MED21: variants seen among roughly 807,000 people sequenced by gnomAD.
MED21 encodes mediator complex subunit 21.
Under a neutral mutation model 18.2 loss-of-function variants are expected in MED21, and 9 were observed. The observed-to-expected ratio is 0.49, with a 90% CI of 0.30 to 0.86. The LOEUF (loss-of-function observed/expected upper bound fraction) is 0.86. Among genes scored for constraint, MED21 ranks in the 40% least tolerant of loss-of-function variants. The pLI is 0.07. For synonymous variants in MED21, 73 were observed against 60.5 expected (o/e 1.21, Z -0.96); for missense variants, 150 against 170.9 (o/e 0.88, Z 0.68).
At chr12:27,037,472 A>G (rs1207204402) in intron 2 of MED21, 1 of 152,014 alleles carries the variant, frequency 6.6e-6, no homozygotes, top group Non-Finnish European at 1.5e-5. Context: ...AACTTCCAAC[A>G]CTATGTTGAA....
intron 1 of MED21, 36 bp downstream of exon 1, chr12:27,022,657 C>G (rs868360599): frequency 1.2e-6 from 2 of 1,610,712 alleles, no homozygotes; most frequent in East Asian, 4.5e-5. Context: ...CTGTCTTTCT[C>G]TTTCTTGAGG....
chr12:27,033,934 GAGAA>G (rs755202230), downstream of MED21, among the ~76,000 whole-genome samples: 6 of 152,000 alleles, frequency 3.9e-5, no homozygotes, highest in Admixed American at 1.3e-4. Context: ...CTAACTGAAA[GAGAA>G]AGAAAGAAAT....
intron 2 of MED21, chr12:27,038,163 G>A (rs1432348085): frequency 6.6e-6 from 1 of 151,954 alleles, no homozygotes; most frequent in Non-Finnish European, 1.5e-5. Flanking sequence ...AAAACTCTCA[G>A]TACTTAAAGA....
At chr12:27,035,403 CTTTTT>C, downstream of MED21, among the ~76,000 whole-genome samples, 1 of 137,486 alleles carries the variant, frequency 7.3e-6, no homozygotes, top group African/African-American at 2.8e-5. Context: ...AACTAAATCT[CTTTTT>C]TTTTTTTTGG....
downstream of MED21, among the ~76,000 whole-genome samples, chr12:27,034,551 A>G (rs1260024231): frequency 6.6e-6 from 1 of 152,176 alleles, no homozygotes; most frequent in Admixed American, 6.5e-5. Flanking sequence ...GGCTCAAGCT[A>G]TCCTCCCACC....
At position 27,028,935 on chromosome 12, in the gene MED21, T is replaced by C; in HGVS notation, c.*474T>C. 7 of 985,654 alleles carry C rather than the reference T, an allele frequency of 7.1e-6. No homozygotes were observed. Among genetic ancestry groups the C allele is most frequent in the Non-Finnish European group, 8.4e-6 (7 of 830,102 alleles). 61.1% of individuals were successfully genotyped at this position (985,654 alleles called of 1,614,324 possible). On this transcript the variant is annotated 3_prime_UTR_variant, in exon 4 of 4. Coordinates refer to ENST00000282892, the MANE Select transcript of MED21 (RefSeq NM_004264.5). ...GCTTTGAGCAAGAAAGTTTTGGAAA[T>C]TGTGTTGCTTTTAAGAAATAGAGTT...
At position 27,030,131 on chromosome 12, in the gene MED21, T is replaced by G. The variant is rs998155001; in HGVS notation, c.*1670T>G. Reference sequence around the variant, plus strand: ...CTGTAGAGGATATACAGTTTTTTTTTGTTGTTCTTGTTTCTGTTTTTTTAA... The same window carrying G: ...CTGTAGAGGATATACAGTTTTTTTTGGTTGTTCTTGTTTCTGTTTTTTTAA... On this transcript the variant is annotated 3_prime_UTR_variant, in exon 4 of 4. Transcript: ENST00000282892. 8 of 643,088 alleles carry G rather than the reference T, an allele frequency of 1.2e-5. No individual in the cohort carries two copies. In the Admixed American group the frequency reaches 1.9e-4, roughly 15 times the overall value. 39.8% of individuals were successfully genotyped at this position (643,088 alleles called of 1,614,324 possible). A position where few individuals can be genotyped will look rare whatever the true frequency, so the allele number is the denominator to read the frequency against.
In MED21 at chr12:27,027,451, A is replaced by G; in HGVS notation, c.258+4A>G. 6.2e-7 allele frequency: 1 copy of G among 1,603,188 alleles called. No homozygotes were observed. Among genetic ancestry groups the G allele is most frequent in the Non-Finnish European group, 8.5e-7 (1 of 1,171,348 alleles). On this transcript the variant is annotated splice_donor_region_variant and intron_variant, in intron 3 of 3. Coordinates refer to ENST00000282892, the MANE Select transcript of MED21 (RefSeq NM_004264.5). ...AGAATCTACAGCTGCTTTACAGGTA[A>G]GCCTCTATTCCTTTGAGAATTTTAC...
downstream of MED21, among the ~76,000 whole-genome samples, chr12:27,034,298 T>A (rs1342280634): frequency 6.6e-6 from 1 of 151,480 alleles, no homozygotes; most frequent in Non-Finnish European, 1.5e-5. Flanking sequence ...GCGCCTGTAA[T>A]CCAATCCCAG....
chr12:27,036,760 G>A (rs1452822367), intron 2 of MED21, among the ~76,000 whole-genome samples: 31 of 152,204 alleles, frequency 2.0e-4, no homozygotes, highest in South Asian at 1.5e-3. Flanking sequence ...GATATGTGGC[G>A]TTATTTCTGA....
rs930893118 is a variant in MED21, at chr12:27,030,033, G to A, written c.*1572G>A. 8 of 438,958 alleles carry A rather than the reference G, an allele frequency of 1.8e-5. No individual in the cohort carries two copies. Among genetic ancestry groups the A allele is most frequent in the Admixed American group, 1.6e-4 (4 of 25,732 alleles). The allele number at this position is 438,958 out of a possible 1,614,324, so 27.2% of individuals were successfully genotyped here. On this transcript the variant is annotated 3_prime_UTR_variant, in exon 4 of 4. Transcript: ENST00000282892. Reference sequence around the variant, plus strand: ...CATAATGTATAGGGTAAATATAATAGACTTCTCTTGAGGTTTTAAAAATTA... The same window carrying A: ...CATAATGTATAGGGTAAATATAATAAACTTCTCTTGAGGTTTTAAAAATTA...
chr12:27,025,013 A>G (rs552916937), intron 1 of MED21, among the ~76,000 whole-genome samples: 3 of 152,224 alleles, frequency 2.0e-5, no homozygotes, highest in Non-Finnish European at 4.4e-5. Context: ...CGCATTCACT[A>G]TGTCTCTGTA....
rs1026297726 is a variant in MED21 at position 27,028,747 on chromosome 12, C to G, written c.*286C>G. On this transcript the variant is annotated 3_prime_UTR_variant, in exon 4 of 4. Coordinates refer to ENST00000282892, the MANE Select transcript of MED21 (RefSeq NM_004264.5). ...AATATAAGGAAACATATGTAAAATT[C>G]TGTTATGACATAATTTATGTCTCCA... 1 of 1,051,464 alleles carries G rather than the reference C, an allele frequency of 9.5e-7. No homozygotes were observed. The highest frequency in any genetic ancestry group is 4.2e-5 in the South Asian group (1 of 24,078). 65.1% of individuals were successfully genotyped at this position (1,051,464 alleles called of 1,614,324 possible). A position where few individuals can be genotyped will look rare whatever the true frequency, so the allele number is the denominator to read the frequency against.
At chr12:27,032,359 T>G (rs1941625410), downstream of MED21, among the ~76,000 whole-genome samples, 3 of 152,190 alleles carry the variant, frequency 2.0e-5, no homozygotes, top group Admixed American at 2.0e-4. Flanking sequence ...CCCTTCAGGT[T>G]GGCTTGATGA....
chr12:27,034,497 A>G (rs1351041698), downstream of MED21, among the ~76,000 whole-genome samples: 1 of 152,250 alleles, frequency 6.6e-6, no homozygotes, highest in Non-Finnish European at 1.5e-5. Flanking sequence ...TCCAGGCTGC[A>G]GTGCAGTGAC....
rs960016796 is a variant in MED21 at position 27,029,502 on chromosome 12, A to G, written c.*1041A>G. 1 of 985,334 alleles carries G rather than the reference A, an allele frequency of 1.0e-6. No homozygotes were observed. The allele number at this position is 985,334 out of a possible 1,614,324, so 61.0% of individuals were successfully genotyped here. ...TGTATTTTTCAGAATATGCTGAGCTACATTTGCTGCAATCTGTTGCTATTC... is the reference window on the plus strand; with the variant it reads ...TGTATTTTTCAGAATATGCTGAGCTGCATTTGCTGCAATCTGTTGCTATTC... On this transcript the variant is annotated 3_prime_UTR_variant, in exon 4 of 4. Transcript: ENST00000282892.
At position 27,027,324 on chromosome 12, in the gene MED21, A is replaced by C; in HGVS notation, c.158-23A>C. On this transcript the variant is annotated intron_variant, in intron 2 of 3. Transcript: ENST00000282892. ...AAAACTTGAGGTTTTCTAATATCCT[A>C]ATCTAGCAGTATCTTTCTCTAGAGT... is the stretch of plus-strand genomic sequence containing the variant. 5.2e-6 allele frequency: 8 copies of C among 1,550,052 alleles called. No individual in the cohort carries two copies. In the East Asian group the frequency reaches 1.8e-4, roughly 35 times the overall value.
chr12:27,027,524 G>A (rs1342945020), intron 3 of MED21, 77 bp downstream of exon 3: 1 of 1,024,472 alleles, frequency 9.8e-7, no homozygotes, highest in Non-Finnish European at 1.5e-6. Context: ...AGTACCTTTT[G>A]TCTGTGTCCA....
At chr12:27,035,557 T>C (rs1186407847), downstream of MED21, among the ~76,000 whole-genome samples, 1 of 149,618 alleles carries the variant, frequency 6.7e-6, no homozygotes, top group East Asian at 2.0e-4. Flanking sequence ...CATTTAGCAT[T>C]AGGTATATCT....
Sources: gnomAD v4.1 joint callset for allele counts (sites outside exome capture counted in the v4.1 genomes callset) on GRCh38, gnomAD v4.1.1 for gene constraint, MANE v1.5 for transcripts, NCBI Gene and HGNC (gene_info 2026-07-23, HGNC 2026-07-21) for gene names.